The following AXIN1 variants were observed in gnomAD, a reference collection of about 807,000 sequenced individuals.
The protein encoded by AXIN1 is axin 1.
AXIN1 carries 30 observed loss-of-function variants against 76.4 expected under a neutral mutation model. The observed-to-expected ratio is 0.39, with a 90% CI of 0.29 to 0.53. The LOEUF (loss-of-function observed/expected upper bound fraction) is 0.53, where lower values mean the gene tolerates loss of function less well. Among genes scored for constraint, AXIN1 ranks in the 20% least tolerant of loss-of-function variants. AXIN1 has a pLI of 0.66. For synonymous variants in AXIN1, 545 were observed against 501.4 expected (o/e 1.09, Z -1.16); for missense variants, 1,140 against 1,198.8 (o/e 0.95, Z 0.72).
chr16:291,152 G>A (rs752857445), intron 9 of AXIN1, 38 bp downstream of exon 9: 2 of 1,544,860 alleles, frequency 1.3e-6, no homozygotes, highest in Non-Finnish European at 1.8e-6. Flanking sequence ...CCAGGGCTGG[G>A]GTGGGCAGGA....
At chr16:320,929 A>G (rs997158493) in intron 2 of AXIN1, among the ~76,000 whole-genome samples, 20 of 151,784 alleles carry the variant, frequency 1.3e-4, no homozygotes, top group East Asian at 9.7e-4. Flanking sequence ...TAGTAGAGAC[A>G]AGGTTTCGCC....
intron 2 of AXIN1, among the ~76,000 whole-genome samples, chr16:329,897 T>G (rs1390468379): frequency 2.7e-5 from 4 of 150,910 alleles, no homozygotes; most frequent in African/African-American, 7.3e-5. Context: ...CCTCCCAGAG[T>G]GCTGGGATAA....
At chr16:316,983 C>T (rs2141602308) in intron 2 of AXIN1, among the ~76,000 whole-genome samples, 1 of 152,340 alleles carries the variant, frequency 6.6e-6, no homozygotes, top group South Asian at 2.1e-4. Flanking sequence ...AAGGCTACCA[C>T]AATGGGCCGC....
At position 287,480 on chromosome 16, in the gene AXIN1, C is replaced by T. The variant is rs571884326; in HGVS notation, c.*642G>A. 2.9e-5 allele frequency: 11 copies of T among 376,810 alleles called. No individual in the cohort carries two copies. The South Asian group carries it at 3.8e-4, about 13-fold the overall frequency. The allele number at this position is 376,810 out of a possible 1,614,324, so 23.3% of individuals were successfully genotyped here. ...GTTTTATTTCATTATTATCCAAGTA[C>T]CTTTGAAAAGATAATTAATTGTACA... On this transcript the variant is annotated 3_prime_UTR_variant, in exon 11 of 11. Coordinates refer to ENST00000262320, the MANE Select transcript of AXIN1 (RefSeq NM_003502.4).
At chr16:310,743 A>G (rs1221571561) in intron 3 of AXIN1, among the ~76,000 whole-genome samples, 1 of 152,232 alleles carries the variant, frequency 6.6e-6, no homozygotes, top group African/African-American at 2.4e-5. Flanking sequence ...AATCTGTGAC[A>G]GGGACTGCAT....
At chr16:336,690 G>T (rs1365830480) in intron 2 of AXIN1, among the ~76,000 whole-genome samples, 1 of 151,858 alleles carries the variant, frequency 6.6e-6, no homozygotes, top group Non-Finnish European at 1.5e-5. Flanking sequence ...GGTGGCGCAT[G>T]TCTGTAATCC....
rs3830090 is a variant in AXIN1 at position 293,151 on chromosome 16, C to T, written c.2186+337G>A. ...CCCTAAAGCCCAGGCTGCCCAGCAG[C>T]GAGCAGCCTCTGGCTGGGGACCGGC... On this transcript the variant is annotated intron_variant, in intron 8 of 10. Transcript: ENST00000262320. The surrounding 1 kb of genome is among the most constrained non-coding windows in gnomAD (Gnocchi z 4.6). The T allele has an allele frequency of 0.3, 122,700 of 409,756 alleles. 21,602 individuals are homozygous for T. Among genetic ancestry groups the T allele is most frequent in the South Asian group, 0.38 (11,518 of 30,224 alleles). 25.4% of individuals were successfully genotyped at this position (409,756 alleles called of 1,614,324 possible). A position where few individuals can be genotyped will look rare whatever the true frequency, so the allele number is the denominator to read the frequency against.
chr16:336,330 C>G (rs1410626177), intron 2 of AXIN1, among the ~76,000 whole-genome samples: 1 of 152,192 alleles, frequency 6.6e-6, no homozygotes, highest in Non-Finnish European at 1.5e-5. Context: ...AGGAGAGCAG[C>G]AGAGCTCTCA....
intron 2 of AXIN1, among the ~76,000 whole-genome samples, chr16:324,180 G>A (rs887878511): frequency 3.3e-5 from 5 of 152,244 alleles, no homozygotes. Flanking sequence ...AAGTGTCAGT[G>A]AGCCGCCTTA....
chr16:291,079 G>C (rs12925669), intron 9 of AXIN1, 111 bp downstream of exon 9: 7 of 1,004,656 alleles, frequency 7.0e-6, no homozygotes, highest in Non-Finnish European at 1.1e-5. Flanking sequence ...AGCTGCTTCT[G>C]AGCGTGGTAC....
intron 2 of AXIN1, among the ~76,000 whole-genome samples, chr16:327,169 A>G (rs1348668680): frequency 1.3e-5 from 2 of 151,290 alleles, no homozygotes; most frequent in African/African-American, 2.4e-5. Context: ...CAGCACCCCC[A>G]TCAGGTCCCA....
Position 304,587 on chromosome 16 carries a change from T to C in AXIN1, c.1117-146A>G. ...TCTTGCTCTGTCACCCAGGCTGGAGTGCAATGGCGTGATCTTGGCTCACTG... is the reference window on the plus strand; with the variant it reads ...TCTTGCTCTGTCACCCAGGCTGGAGCGCAATGGCGTGATCTTGGCTCACTG... On this transcript the variant is annotated intron_variant, in intron 4 of 10. Coordinates refer to ENST00000262320, the MANE Select transcript of AXIN1 (RefSeq NM_003502.4). 4 of 1,284,150 alleles carry C rather than the reference T, an allele frequency of 3.1e-6. No individual in the cohort carries two copies. The East Asian group carries it at 1.0e-4, about 33-fold the overall frequency. The allele number at this position is 1,284,150 out of a possible 1,614,324, so 79.5% of individuals were successfully genotyped here. A position where few individuals can be genotyped will look rare whatever the true frequency, so the allele number is the denominator to read the frequency against.
intron 9 of AXIN1, chr16:290,848 C>T (rs952490392): frequency 4.3e-5 from 18 of 418,322 alleles, no homozygotes; most frequent in South Asian, 1.5e-4. Context: ...TGGCAGGGAC[C>T]GGCCCGTTCC....
At chr16:338,400 T>C (rs973909015) in intron 2 of AXIN1, among the ~76,000 whole-genome samples, 1 of 152,248 alleles carries the variant, frequency 6.6e-6, no homozygotes, top group African/African-American at 2.4e-5. Flanking sequence ...TCGGCACGTC[T>C]GCCACTGGCT....
chr16:288,741 G>C (rs969507056), intron 10 of AXIN1, among the ~76,000 whole-genome samples: 1 of 152,268 alleles, frequency 6.6e-6, no homozygotes, highest in Non-Finnish European at 1.5e-5. Flanking sequence ...GAGCCTCCAA[G>C]GCTGGCTGCA....
At position 312,074 on chromosome 16, in the gene AXIN1, G is replaced by A. The variant is rs142350588; in HGVS notation, c.1020-2005C>T. Among the ~76,000 whole-genome samples the A allele has an allele frequency of 2.6e-5, 4 of 152,292 alleles. No homozygotes were observed. In the East Asian group the frequency reaches 5.8e-4, roughly 22 times the overall value. ...GCCTCGGGGTTTGTTGAAGTGTCCT[G>A]AAGCCACCAACCTACTGGTTTCTTA... On this transcript the variant is annotated intron_variant, in intron 3 of 10. Coordinates refer to ENST00000262320, the MANE Select transcript of AXIN1 (RefSeq NM_003502.4).
chr16:320,822 C>G (rs1466364271), intron 2 of AXIN1, among the ~76,000 whole-genome samples: 1 of 150,236 alleles, frequency 6.7e-6, no homozygotes, highest in Non-Finnish European at 1.5e-5. Context: ...TCACTACAAC[C>G]TCCGCCTCCT....
At chr16:315,638 T>C (rs1283862198) in intron 2 of AXIN1, among the ~76,000 whole-genome samples, 1 of 151,966 alleles carries the variant, frequency 6.6e-6, no homozygotes, top group Admixed American at 6.6e-5. Flanking sequence ...CCATCCTGGC[T>C]AACACAGTGA....
intron 7 of AXIN1, among the ~76,000 whole-genome samples, chr16:295,839 C>A (rs561590964): frequency 6.6e-6 from 1 of 152,084 alleles, no homozygotes; most frequent in Non-Finnish European, 1.5e-5. Flanking sequence ...TGGTGGCTCA[C>A]GCCTGTAATC....
Sources: gnomAD v4.1 joint callset for allele counts (sites outside exome capture counted in the v4.1 genomes callset) on GRCh38, gnomAD v4.1.1 for gene constraint, Gnocchi (gnomAD v3.1) non-coding constraint, MANE v1.5 for transcripts, NCBI Gene and HGNC (gene_info 2026-07-23, HGNC 2026-07-21) for gene names.